The following HAAO variants were observed in gnomAD, a reference collection of about 807,000 sequenced individuals.
The protein encoded by HAAO is 3-hydroxyanthranilate oxygenase.
Under a neutral mutation model 46.2 loss-of-function variants are expected in HAAO, and 49 were observed. The observed-to-expected ratio is 1.06, with a 90% CI of 0.84 to 1.34. The LOEUF is 1.34. HAAO is among the 40% of genes most tolerant of loss of function. The pLI is 0.00. For missense variants in HAAO, 408 were observed against 364.5 expected, an observed-to-expected ratio of 1.12 and a Z score of -0.97; for synonymous variants, 157 against 145.2, an observed-to-expected ratio of 1.08 and a Z score of -0.58.
chr2:42,767,428 G>A lies in HAAO; in HGVS notation c.*9C>T. The A allele has an allele frequency of 6.2e-7, 1 of 1,606,470 alleles. No individual in the cohort carries two copies. The highest frequency in any genetic ancestry group is 8.5e-7 in the Non-Finnish European group (1 of 1,174,642). ...ACACCTGTGGCTGCTTCAGGCCATG[G>A]CAAGAGGGTCACCCCAGGGGCTTCT... On this transcript the variant is annotated 3_prime_UTR_variant, in exon 10 of 10. Coordinates refer to ENST00000294973, the MANE Select transcript of HAAO (RefSeq NM_012205.3).
chr2:42,779,600 G>C (rs1035216427), intron 4 of HAAO, among the ~76,000 whole-genome samples: 3 of 152,164 alleles, frequency 2.0e-5, no homozygotes, highest in African/African-American at 7.2e-5. Context: ...GATTTCAGGC[G>C]TGAGCCACCG....
intron 1 of HAAO, among the ~76,000 whole-genome samples, chr2:42,791,396 G>A (rs973715276): frequency 1.3e-5 from 2 of 152,146 alleles, no homozygotes; most frequent in Non-Finnish European, 1.5e-5. Flanking sequence ...ATGAAGTGTT[G>A]GAAGGAGGCA....
chr2:42,773,220 T>C (rs1160598226), intron 4 of HAAO, among the ~76,000 whole-genome samples: 1 of 152,230 alleles, frequency 6.6e-6, no homozygotes, highest in Admixed American at 6.5e-5. Flanking sequence ...AACTTCTTTG[T>C]AATGATAACA....
rs3816181 is a variant in HAAO, at chr2:42,788,472, G to A, written c.159+57C>T. 14 of 1,143,592 alleles carry A rather than the reference G, an allele frequency of 1.2e-5. No homozygotes were observed. In the East Asian group the frequency reaches 1.6e-4, roughly 13 times the overall value. The allele number at this position is 1,143,592 out of a possible 1,614,324, so 70.8% of individuals were successfully genotyped here. A position where few individuals can be genotyped will look rare whatever the true frequency, so the allele number is the denominator to read the frequency against. On this transcript the variant is annotated intron_variant, in intron 2 of 9. Coordinates refer to ENST00000294973, the MANE Select transcript of HAAO (RefSeq NM_012205.3). ...CCTCGAGTGGGAAGCGCCCCCTCCC[G>A]CTAGGGCCAGGCTCCTTGCCCGCAG...
chr2:42,770,644 A>G (rs1573902675), intron 4 of HAAO, 62 bp from the exon 5 acceptor site: 1 of 1,061,374 alleles, frequency 9.4e-7, no homozygotes, highest in East Asian at 2.6e-5. Flanking sequence ...GGGCAGCCCC[A>G]CTCAGGCCTG....
At position 42,767,228 on chromosome 2, in the gene HAAO, G is replaced by T. The variant is rs1670728490; in HGVS notation, c.*209C>A. ...ACTGGCAAGGCAGTGGGCTGAGTCT[G>T]CCAGAGAAGATGGGGAGCTGCTGCC... On this transcript the variant is annotated 3_prime_UTR_variant, in exon 10 of 10. Transcript: ENST00000294973. 5 of 613,796 alleles carry T rather than the reference G, an allele frequency of 8.1e-6. No homozygotes were observed. The Admixed American group carries it at 1.1e-4, about 13-fold the overall frequency. 38.0% of individuals were successfully genotyped at this position (613,796 alleles called of 1,614,324 possible). A position where few individuals can be genotyped will look rare whatever the true frequency, so the allele number is the denominator to read the frequency against.
intron 2 of HAAO, among the ~76,000 whole-genome samples, chr2:42,786,633 G>T (rs1224275712): frequency 6.6e-6 from 1 of 152,166 alleles, no homozygotes; most frequent in Non-Finnish European, 1.5e-5. Flanking sequence ...CCAAGATCCC[G>T]GGGTTAGTAA....
chr2:42,788,497 G>C, intron 2 of HAAO, 32 bp downstream of exon 2: 1 of 1,418,532 alleles, frequency 7.0e-7, no homozygotes, highest in Non-Finnish European at 1.0e-6. Flanking sequence ...CTTGCCCGCA[G>C]GCCTAGATCC....
At chr2:42,789,844 C>T (rs919871380) in intron 1 of HAAO, among the ~76,000 whole-genome samples, 1 of 152,246 alleles carries the variant, frequency 6.6e-6, no homozygotes, top group Non-Finnish European at 1.5e-5. Context: ...GCCCCATCCC[C>T]ACAGCAGGGT....
Position 42,792,453 on chromosome 2 carries a change from T to G in HAAO, c.80+4A>C. 6.4e-7 allele frequency: 1 copy of G among 1,565,490 alleles called. No individual in the cohort carries two copies. Among genetic ancestry groups the G allele is most frequent in the Non-Finnish European group, 8.7e-7 (1 of 1,152,692 alleles). On this transcript the variant is annotated splice_donor_region_variant and intron_variant, in intron 1 of 9. Transcript: ENST00000294973. Reference sequence around the variant, plus strand: ...GGGGGCGGCCATGGGGGTGCTGGACTCACATGAGCTTGTTGCAGACCGGGG... The same window carrying G: ...GGGGGCGGCCATGGGGGTGCTGGACGCACATGAGCTTGTTGCAGACCGGGG...
intron 4 of HAAO, among the ~76,000 whole-genome samples, chr2:42,772,269 T>G (rs554806353): frequency 3.9e-5 from 6 of 152,026 alleles, no homozygotes; most frequent in African/African-American, 1.5e-4. Context: ...TCACCTGAGG[T>G]TGGCAGTTCG....
At position 42,770,558 on chromosome 2, in the gene HAAO, G is replaced by A. The variant is rs1202907588; in HGVS notation, c.375C>T (p.Asp125=). The A allele has an allele frequency of 3.2e-6, 5 of 1,552,274 alleles. No homozygotes were observed. Among genetic ancestry groups the A allele is most frequent in the East Asian group, 4.9e-5 (2 of 41,010 alleles). ...GLRYYVGDTM[D]VLFEKWFYCK... ...AGTAGAACCACTTCTCAAACAGAAC[G>A]TCCATGGTGTCGCCCACATAGTACC... Residue 125 remains aspartate (D), a synonymous_variant, in exon 5 of 10, where the codon GAC becomes GAT. Transcript: ENST00000294973.
intron 4 of HAAO, among the ~76,000 whole-genome samples, chr2:42,773,865 C>T (rs1019611383): frequency 6.6e-6 from 1 of 152,238 alleles, no homozygotes. Context: ...GCTGGGATTA[C>T]AAGCGTGTGC....
At chr2:42,770,391 G>T (rs1215820369) in intron 5 of HAAO, 102 bp downstream of exon 5, 7 of 1,002,766 alleles carry the variant, frequency 7.0e-6, no homozygotes, top group Non-Finnish European at 1.0e-5. Flanking sequence ...GGCTCTCTGG[G>T]CCAGGATCTC....
At position 42,769,484 on chromosome 2, in the gene HAAO, C is replaced by A. The variant is rs1670913918; in HGVS notation, c.630+229G>T. 2.6e-5 allele frequency among the ~76,000 whole-genome samples: 4 copies of A among 152,198 alleles called. No homozygotes were observed. The South Asian group carries it at 8.3e-4, about 31-fold the overall frequency. On this transcript the variant is annotated intron_variant, in intron 7 of 9. Coordinates refer to ENST00000294973, the MANE Select transcript of HAAO (RefSeq NM_012205.3). ...AAATTGCTTGGGACCATGTAGCCTCCACAGACTTCACTCGGAGCAGAGCCA... is the reference window on the plus strand; with the variant it reads ...AAATTGCTTGGGACCATGTAGCCTCAACAGACTTCACTCGGAGCAGAGCCA...
chr2:42,777,023 C>T (rs920279159), intron 4 of HAAO, among the ~76,000 whole-genome samples: 11 of 150,454 alleles, frequency 7.3e-5, no homozygotes, highest in Admixed American at 2.0e-4. Context: ...AAAGTCTGAC[C>T]GGGCATGGTG....
chr2:42,790,046 G>A (rs571311941), intron 1 of HAAO, among the ~76,000 whole-genome samples: 10 of 152,306 alleles, frequency 6.6e-5, no homozygotes, highest in East Asian at 3.9e-4. Context: ...CATGGATGAC[G>A]ATGGTGTGGA....
At chr2:42,783,199 C>T in intron 4 of HAAO, 115 bp downstream of exon 4, 1 of 650,708 alleles carries the variant, frequency 1.5e-6, no homozygotes, top group South Asian at 1.8e-5. Flanking sequence ...CCTGCCCACT[C>T]AGTGGCCAGG....
chr2:42,767,747 T>G (rs1670774327), intron 8 of HAAO, 70 bp from the exon 9 acceptor site: 5 of 1,543,720 alleles, frequency 3.2e-6, no homozygotes, highest in South Asian at 1.1e-5. Flanking sequence ...TGTCTGAGTC[T>G]GCCTGGGCCC....
Sources: gnomAD v4.1 joint callset for allele counts (sites outside exome capture counted in the v4.1 genomes callset) on GRCh38, gnomAD v4.1.1 for gene constraint, MANE v1.5 for transcripts, NCBI Gene and HGNC (gene_info 2026-07-23, HGNC 2026-07-21) for gene names.